PDE4D: variants seen among roughly 807,000 people sequenced by gnomAD.
The protein encoded by PDE4D is phosphodiesterase 4D.
Under a neutral mutation model 87.4 loss-of-function variants are expected in PDE4D, and 24 were observed. The ratio of observed to expected loss-of-function variants is 0.27; its 90% CI spans 0.20 to 0.39. PDE4D has a LOEUF of 0.39. PDE4D is among the 10% of genes least tolerant of loss of function. The pLI is 1.00. For missense variants in PDE4D, 714 were observed against 1,041.0 expected (o/e 0.69, Z 4.32); for synonymous variants, 384 against 383.2 (o/e 1.00, Z -0.02).
intron 1 of PDE4D, among the ~76,000 whole-genome samples, chr5:59,265,072 G>A (rs780567430): frequency 6.6e-6 from 1 of 152,000 alleles, no homozygotes; most frequent in Non-Finnish European, 1.5e-5. Flanking sequence ...GACTAGAAGA[G>A]TAAGGGATTT....
At chr5:59,283,193 A>AG (rs1434662508) in intron 1 of PDE4D, among the ~76,000 whole-genome samples, 3 of 152,340 alleles carry the variant, frequency 2.0e-5, no homozygotes, top group Non-Finnish European at 4.4e-5. Flanking sequence ...GCTATTAAAA[A>AG]TAAGTTTTAA....
At chr5:60,427,299 G>A (rs1408129909) in intron 1 of PDE4D, among the ~76,000 whole-genome samples, 2 of 152,064 alleles carry the variant, frequency 1.3e-5, no homozygotes, top group African/African-American at 4.8e-5. Context: ...AAATATTAAG[G>A]GCATCCAGAG....
intron 1 of PDE4D, among the ~76,000 whole-genome samples, chr5:59,495,052 T>A (rs1043918160): frequency 2.6e-5 from 4 of 152,222 alleles, no homozygotes; most frequent in African/African-American, 9.6e-5. Flanking sequence ...AGTTTGGCCT[T>A]GACTTCCCCA....
At chr5:59,521,862 G>A (rs1239754607) in intron 1 of PDE4D, among the ~76,000 whole-genome samples, 1 of 152,172 alleles carries the variant, frequency 6.6e-6, no homozygotes, top group Non-Finnish European at 1.5e-5. Flanking sequence ...AAAGTGTCTG[G>A]TACATGGTAA....
At chr5:60,395,789 C>T (rs2150035470) in intron 1 of PDE4D, among the ~76,000 whole-genome samples, 1 of 152,056 alleles carries the variant, frequency 6.6e-6, no homozygotes, top group East Asian at 1.9e-4. Context: ...GCCAAACTCC[C>T]CTTCAGAACT....
intron 6 of PDE4D, among the ~76,000 whole-genome samples, chr5:59,021,287 T>TTTTTTATTTA: frequency 6.6e-6 from 1 of 152,230 alleles, no homozygotes; most frequent in East Asian, 1.9e-4. Context: ...AAATAGGCTA[T>TTTTTTATTTA]CATAGAGTGC....
chr5:60,086,323 A>AACTT (rs1774531161), intron 2 of PDE4D, among the ~76,000 whole-genome samples: 1 of 152,206 alleles, frequency 6.6e-6, no homozygotes, highest in Admixed American at 6.5e-5. Context: ...TTGCTTTATT[A>AACTT]ACTTATTTGT....
rs1261634992 is a variant in PDE4D, at chr5:60,518,572, T to G, written n.70+3479A>C. 2.0e-5 allele frequency among the ~76,000 whole-genome samples: 3 copies of G among 152,202 alleles called. No homozygotes were observed. In the East Asian group the frequency reaches 5.8e-4, roughly 29 times the overall value. On this transcript the variant is annotated intron_variant and non_coding_transcript_variant, in intron 1 of 2. Transcript: ENST00000506510. ...TGACAAAATGGGACTCTATACAGTT[T>G]CCATTTGCCTTTAGTTAGAACTACA...
intron 1 of PDE4D, among the ~76,000 whole-genome samples, chr5:60,371,485 T>C (rs1165204406): frequency 6.6e-6 from 1 of 152,232 alleles, no homozygotes; most frequent in Non-Finnish European, 1.5e-5. Context: ...CACTGCCCTG[T>C]CACAATCCTA....
chr5:59,199,876 A>G (rs1048436411), intron 2 of PDE4D, among the ~76,000 whole-genome samples: 2 of 151,980 alleles, frequency 1.3e-5, no homozygotes, highest in Non-Finnish European at 2.9e-5. Flanking sequence ...ATATACATAC[A>G]TCTATATACA....
chr5:59,726,824 C>A (rs899680562), intron 1 of PDE4D, among the ~76,000 whole-genome samples: 1 of 152,018 alleles, frequency 6.6e-6, no homozygotes, highest in African/African-American at 2.4e-5. Flanking sequence ...CACTTGCATA[C>A]ATATATGTAA....
chr5:59,778,038 G>C (rs1454475929), intron 1 of PDE4D, among the ~76,000 whole-genome samples: 1 of 152,130 alleles, frequency 6.6e-6, no homozygotes, highest in African/African-American at 2.4e-5. Flanking sequence ...ACTGTTTTCT[G>C]AATGTAATTT....
intron 1 of PDE4D, among the ~76,000 whole-genome samples, chr5:59,309,969 T>G (rs1772243631): frequency 6.6e-6 from 1 of 152,174 alleles, no homozygotes. Context: ...CGTGAGGTCT[T>G]CTTTCTCTTG....
intron 3 of PDE4D, among the ~76,000 whole-genome samples, chr5:59,968,067 C>A (rs148578361): frequency 1.3e-5 from 2 of 148,790 alleles, no homozygotes; most frequent in East Asian, 4.2e-4. Context: ...TCACCACAAC[C>A]TCCACCTCCT....
intron 6 of PDE4D, among the ~76,000 whole-genome samples, chr5:59,037,053 A>T (rs1758650331): frequency 6.6e-6 from 1 of 152,188 alleles, no homozygotes; most frequent in Non-Finnish European, 1.5e-5. Flanking sequence ...AAAGAAAGGA[A>T]TCATTTTAGG....
In PDE4D at chr5:59,977,347, C is replaced by T. The variant is rs186731638; in HGVS notation, c.272+11141G>A. On this transcript the variant is annotated intron_variant, in intron 3 of 16. Coordinates refer to the PDE4D transcript ENST00000502484. ...GGTCTGGATAGAAGATCAAACCAGC[C>T]GCAACATTCCCTTAAGCCAAAGCCT... Among the ~76,000 whole-genome samples the T allele has an allele frequency of 1.3e-4, 20 of 152,266 alleles. No individual in the cohort carries two copies. The East Asian group carries it at 1.9e-3, about 15-fold the overall frequency.
At chr5:59,549,062 G>A (rs1416673057) in intron 1 of PDE4D, among the ~76,000 whole-genome samples, 1 of 152,060 alleles carries the variant, frequency 6.6e-6, no homozygotes, top group Admixed American at 6.6e-5. Context: ...AGCTCCTCAG[G>A]GCAAAGGCAC....
At chr5:58,990,618 G>A (rs1375098282) in intron 9 of PDE4D, among the ~76,000 whole-genome samples, 186 bp downstream of exon 9, 1 of 152,084 alleles carries the variant, frequency 6.6e-6, no homozygotes, top group African/African-American at 2.4e-5. Context: ...GATGTTATTT[G>A]TGGTTTATCC....
rs567640171 is a variant in PDE4D at position 59,243,620 on chromosome 5, C to T, written c.456-27652G>A. On this transcript the variant is annotated intron_variant, in intron 1 of 14. Transcript: ENST00000340635. ...GATTACAGGTGCCCACCGCCATGCC[C>T]AGCTGATTTTTGTATTTTTAGTAGA... 5.3e-5 allele frequency among the ~76,000 whole-genome samples: 8 copies of T among 151,636 alleles called. No homozygotes were observed. In the East Asian group the frequency reaches 5.9e-4, roughly 11 times the overall value.
Sources: allele counts gnomAD v4.1 joint callset (sites outside exome capture counted in the v4.1 genomes callset), GRCh38; gene constraint gnomAD v4.1.1; transcripts MANE v1.5; gene names NCBI Gene and HGNC (gene_info 2026-07-23, HGNC 2026-07-21).